Variants in FBXW7 observed in about 807,000 individuals in gnomAD.
FBXW7 encodes F-box/WD repeat-containing protein 7.
FBXW7 carries 11 observed loss-of-function variants against 86.3 expected under a neutral mutation model. The ratio of observed to expected loss-of-function variants is 0.13; its 90% confidence interval spans 0.08 to 0.21. The LOEUF is 0.21. Among genes scored for constraint, FBXW7 ranks in the 10% least tolerant of loss-of-function variants. The probability of loss-of-function intolerance (pLI) is 1.00; values close to 1 mark genes in which losing one functional copy is unlikely to be tolerated. For synonymous variants in FBXW7, 313 were observed against 297.9 expected, an observed-to-expected ratio of 1.05 and a Z score of -0.52; for missense variants, 488 against 847.4, an observed-to-expected ratio of 0.58 and a Z score of 5.27.
At chr4:152,412,377 A>G (rs1485202896) in intron 3 of FBXW7, 103 bp downstream of exon 3, 1 of 152,024 alleles carries the variant, frequency 6.6e-6, no homozygotes, top group Non-Finnish European at 1.5e-5. Flanking sequence ...ACAGTTTTCT[A>G]GCAGGTAACA....
intron 2 of FBXW7, among the ~76,000 whole-genome samples, chr4:152,513,906 A>G (rs1261484525): frequency 6.6e-6 from 1 of 152,228 alleles, no homozygotes; most frequent in Non-Finnish European, 1.5e-5. Context: ...TAAGGTAGTC[A>G]CTAACTAATG....
At chr4:152,433,856 G>A (rs540968040) in intron 2 of FBXW7, among the ~76,000 whole-genome samples, 2 of 152,246 alleles carry the variant, frequency 1.3e-5, no homozygotes, top group Admixed American at 6.5e-5. Flanking sequence ...TATTTTCTAG[G>A]AAATGGAAAA....
At chr4:152,386,907 G>T (rs1474739514) in intron 4 of FBXW7, among the ~76,000 whole-genome samples, 1 of 152,056 alleles carries the variant, frequency 6.6e-6, no homozygotes, top group Non-Finnish European at 1.5e-5. Flanking sequence ...ACAAGTCCAA[G>T]CACTCCAATT....
intron 4 of FBXW7, among the ~76,000 whole-genome samples, chr4:152,409,922 C>T (rs1231152511): frequency 6.6e-6 from 1 of 151,980 alleles, no homozygotes; most frequent in African/African-American, 2.4e-5. Context: ...CAGTATACTT[C>T]GTTTTTAAAA....
chr4:152,383,386 C>T (rs1735260331), intron 4 of FBXW7, among the ~76,000 whole-genome samples: 1 of 152,114 alleles, frequency 6.6e-6, no homozygotes, highest in Admixed American at 6.6e-5. Flanking sequence ...GAGATGAAGA[C>T]TCTCTTCAAA....
At chr4:152,425,770 T>C (rs929199931) in intron 2 of FBXW7, among the ~76,000 whole-genome samples, 3 of 152,164 alleles carry the variant, frequency 2.0e-5, no homozygotes, top group African/African-American at 7.2e-5. Flanking sequence ...CTAACTTATG[T>C]ACTGGCACAG....
intron 2 of FBXW7, among the ~76,000 whole-genome samples, chr4:152,457,361 G>A (rs1212209806): frequency 6.6e-6 from 1 of 152,152 alleles, no homozygotes; most frequent in East Asian, 1.9e-4. Flanking sequence ...GAACTCAATA[G>A]GCCGGGTGCA....
chr4:152,528,469 T>C (rs1342682051), intron 2 of FBXW7, among the ~76,000 whole-genome samples: 15 of 152,238 alleles, frequency 9.9e-5, no homozygotes, highest in Admixed American at 9.8e-4. Context: ...ATAAGCCTTC[T>C]GCTTTACAGA....
chr4:152,523,709 C>G (rs1224575159), intron 2 of FBXW7, among the ~76,000 whole-genome samples: 1 of 152,184 alleles, frequency 6.6e-6, no homozygotes, highest in Non-Finnish European at 1.5e-5. Flanking sequence ...TCAAGCACAG[C>G]AACAGGAACA....
chr4:152,488,548 T>A (rs1006822697), intron 2 of FBXW7, among the ~76,000 whole-genome samples: 7 of 152,102 alleles, frequency 4.6e-5, no homozygotes, highest in Non-Finnish European at 8.8e-5. Context: ...TTGCAATTTT[T>A]CCCTGTTTTG....
At chr4:152,509,371 TA>T (rs1233301544) in intron 2 of FBXW7, among the ~76,000 whole-genome samples, 3 of 150,318 alleles carry the variant, frequency 2.0e-5, no homozygotes, top group Non-Finnish European at 4.4e-5. Context: ...TTCCTGAGTC[TA>T]AAAAAAAAGG....
At chr4:152,519,244 G>C (rs527555925) in intron 2 of FBXW7, among the ~76,000 whole-genome samples, 9 of 152,228 alleles carry the variant, frequency 5.9e-5, no homozygotes, top group Admixed American at 5.9e-4. Flanking sequence ...CTTGCAGTGA[G>C]CCAAGATCAC....
intron 2 of FBXW7, among the ~76,000 whole-genome samples, chr4:152,463,492 G>C (rs908362429): frequency 6.6e-6 from 1 of 152,036 alleles, no homozygotes; most frequent in Admixed American, 6.5e-5. Context: ...ATATTAACAA[G>C]TGTAGACAAG....
At chr4:152,346,559 T>A (rs958810754) in intron 6 of FBXW7, among the ~76,000 whole-genome samples, 1 of 152,212 alleles carries the variant, frequency 6.6e-6, no homozygotes, top group East Asian at 1.9e-4. Context: ...CATTTTCAAG[T>A]ATATACTTCA....
At chr4:152,517,435 C>T (rs1484151146) in intron 2 of FBXW7, among the ~76,000 whole-genome samples, 1 of 152,086 alleles carries the variant, frequency 6.6e-6, no homozygotes, top group Non-Finnish European at 1.5e-5. Flanking sequence ...TGAAAATAGC[C>T]AGTACTTCTA....
chr4:152,465,347 A>G (rs1743306319), intron 2 of FBXW7, among the ~76,000 whole-genome samples: 1 of 152,218 alleles, frequency 6.6e-6, no homozygotes, highest in Non-Finnish European at 1.5e-5. Context: ...GCCTTAATTC[A>G]GCCATAAATA....
chr4:152,530,069 ATAC>A (rs1248102757), intron 2 of FBXW7, among the ~76,000 whole-genome samples: 41 of 118,222 alleles, frequency 3.5e-4, no homozygotes, highest in African/African-American at 1.2e-3. Context: ...AAAAAAAAAA[ATAC>A]ACACACACAC....
intron 2 of FBXW7, among the ~76,000 whole-genome samples, chr4:152,459,736 T>C (rs971486632): frequency 2.6e-5 from 4 of 152,166 alleles, no homozygotes; most frequent in East Asian, 3.8e-4. Context: ...AATCTGTAAA[T>C]TGGGCAAAGT....
intron 4 of FBXW7, among the ~76,000 whole-genome samples, chr4:152,381,569 A>G (rs1735075224): frequency 6.6e-6 from 1 of 152,140 alleles, no homozygotes; most frequent in Non-Finnish European, 1.5e-5. Context: ...CAGGGAGAGG[A>G]GTACGTAATC....
Sources: allele counts gnomAD v4.1 joint callset (sites outside exome capture counted in the v4.1 genomes callset), GRCh38; gene constraint gnomAD v4.1.1; transcripts MANE v1.5; gene names NCBI Gene and HGNC (gene_info 2026-07-23, HGNC 2026-07-21).